The following IFT140 variants were observed in gnomAD, a reference collection of about 807,000 sequenced individuals.
IFT140 encodes intraflagellar transport 140.
IFT140 carries 133 observed loss-of-function variants against 164.6 expected under a neutral mutation model. The ratio of observed to expected loss-of-function variants is 0.81; its 90% confidence interval spans 0.70 to 0.93. The LOEUF (loss-of-function observed/expected upper bound fraction) is 0.93. Ranked by LOEUF, IFT140 falls within the 40% of genes least tolerant of loss-of-function variation. The pLI is 0.00. For missense variants in IFT140, 2,045 were observed against 1,972.3 expected, an observed-to-expected ratio of 1.04 and a Z score of -0.70; for synonymous variants, 860 against 817.3, an observed-to-expected ratio of 1.05 and a Z score of -0.89.
At chr16:1,602,881 A>G (rs1052717635) in intron 3 of IFT140, among the ~76,000 whole-genome samples, 13 of 152,180 alleles carry the variant, frequency 8.5e-5, no homozygotes, top group Admixed American at 8.5e-4. Context: ...CAGAGGTTGC[A>G]GCGAGCCCAG....
At position 1,562,096 on chromosome 16, in the gene IFT140, G is replaced by C. The variant is rs765241195; in HGVS notation, c.2088C>G (p.Ser696=). ...AGPAADVLIL[S]FFISEEHGFL... is the part of the protein sequence containing the mutation. The stretch of plus-strand genomic sequence containing the variant: ...AGCCGTGCTCTTCGGAAATGAAGAA[G>C]GACAGGATCAAAACATCTGCCTGGG... Residue 696 remains serine (S), a synonymous_variant, in exon 18 of 31, where the codon TCC becomes TCG. Transcript: ENST00000426508. 5 of 1,608,556 alleles carry C rather than the reference G, an allele frequency of 3.1e-6. No homozygotes were observed. Among genetic ancestry groups the C allele is most frequent in the African/African-American group, 1.3e-5 (1 of 74,646 alleles).
intron 3 of IFT140, among the ~76,000 whole-genome samples, chr16:1,603,206 G>A (rs977791948): frequency 2.0e-5 from 3 of 152,104 alleles, no homozygotes; most frequent in Non-Finnish European, 2.9e-5. Flanking sequence ...TGGCTGGCAC[G>A]CATTTTAGTG....
chr16:1,524,436 C>CA (rs2141169636), intron 24 of IFT140, 116 bp downstream of exon 24: 1 of 1,375,110 alleles, frequency 7.3e-7, no homozygotes, highest in Admixed American at 2.1e-5. Context: ...CAGTGAGTGG[C>CA]AGACACTGGC....
chr16:1,548,508 T>C (rs1452595817), intron 19 of IFT140, among the ~76,000 whole-genome samples: 1 of 152,270 alleles, frequency 6.6e-6, no homozygotes, highest in Non-Finnish European at 1.5e-5. Flanking sequence ...ATTGATTCCA[T>C]GGGCAGAATT....
At position 1,610,767 on chromosome 16, in the gene IFT140, G is replaced by GC. The variant is rs1442673993; in HGVS notation, c.-136dup. 6.5e-6 allele frequency: 1 copy of GC among 153,536 alleles called. No homozygotes were observed. Among genetic ancestry groups the GC allele is most frequent in the Non-Finnish European group, 1.5e-5 (1 of 68,220 alleles). The allele number at this position is 153,536 out of a possible 1,614,324, so 9.5% of individuals were successfully genotyped here. A position where few individuals can be genotyped will look rare whatever the true frequency, so the allele number is the denominator to read the frequency against. Reference sequence around the variant, plus strand: ...AGGCGGCCCCGAGGACTCCCGAAGCGCCCCGAGCGGCCGGAAAGAGCCGAA... The same window carrying GC: ...AGGCGGCCCCGAGGACTCCCGAAGCGCCCCCGAGCGGCCGGAAAGAGCCGAA... On this transcript the variant is annotated 5_prime_UTR_variant, in exon 2 of 31. Coordinates refer to ENST00000426508, the MANE Select transcript of IFT140 (RefSeq NM_014714.4).
intron 29 of IFT140, among the ~76,000 whole-genome samples, chr16:1,519,522 C>T (rs981512305): frequency 3.3e-5 from 5 of 152,098 alleles, no homozygotes; most frequent in African/African-American, 1.2e-4. Context: ...CATGGTCCCC[C>T]AACCCCAGGT....
intron 15 of IFT140, among the ~76,000 whole-genome samples, chr16:1,567,214 T>C (rs955417340): frequency 1.3e-5 from 2 of 152,176 alleles, no homozygotes; most frequent in African/African-American, 2.4e-5. Context: ...GGGGACCAAG[T>C]AGGCATCTGC....
intron 6 of IFT140, 33 bp downstream of exon 6, chr16:1,592,141 TAG>T: frequency 6.2e-7 from 1 of 1,612,782 alleles, no homozygotes; most frequent in Admixed American, 1.7e-5. Context: ...CCTAAAATGC[TAG>T]GACCCCTGAG....
At position 1,542,019 on chromosome 16, in the gene IFT140, C is replaced by G. The variant is rs377659497; in HGVS notation, c.2400-15223G>C. The G allele has an allele frequency of 6.8e-5, 110 of 1,611,400 alleles. No homozygotes were observed. The African/African-American group carries it at 1.2e-3, about 18-fold the overall frequency. ...CCTGGGGCTGGTGGGCCTGCCCCTGCTGTCACCCGACGCCCCGTGCTGGGA... is the reference window on the plus strand; with the variant it reads ...CCTGGGGCTGGTGGGCCTGCCCCTGGTGTCACCCGACGCCCCGTGCTGGGA... On this transcript the variant is annotated intron_variant, in intron 19 of 30. Transcript: ENST00000426508.
At chr16:1,584,534 T>G in intron 10 of IFT140, 114 bp from the exon 11 acceptor site, 1 of 796,090 alleles carries the variant, frequency 1.3e-6, no homozygotes, top group Admixed American at 2.4e-5. Context: ...CCAAGTACCA[T>G]TGTTCCGGAC....
Position 1,511,060 on chromosome 16 carries a change from G to A in IFT140, c.4273C>T (p.Arg1425Trp), listed in dbSNP as rs138697817. Reference sequence around the variant, plus strand: ...CGTGGCAGTGGGAGACCCAGCCCCCGGTGCACGGCGTCCACGGCCTGCGGG... The same window carrying A: ...CGTGGCAGTGGGAGACCCAGCCCCCAGTGCACGGCGTCCACGGCCTGCGGG... The part of the protein sequence containing the change: ...VSPQAVDAVH[R>W]GLGLPLPRTV... Residue 1425 changes from arginine (R) to tryptophan (W), a missense_variant, in exon 31 of 31, where the codon CGG becomes TGG. Physicochemically the swap from Arg to Trp is moderately radical, Grantham distance 101. Transcript: ENST00000426508. 57 of 1,607,486 alleles carry A rather than the reference G, an allele frequency of 3.5e-5. No individual in the cohort carries two copies. Among genetic ancestry groups the A allele is most frequent in the Non-Finnish European group, 4.3e-5 (51 of 1,177,062 alleles).
chr16:1,558,159 TTG>T, intron 18 of IFT140, 25 bp from the exon 19 acceptor site: 3 of 1,612,816 alleles, frequency 1.9e-6, no homozygotes, highest in Non-Finnish European at 2.5e-6. Context: ...ACCCATGTGT[TTG>T]TTAATTCATA....
rs753439024 is a variant in IFT140 at position 1,592,144 on chromosome 16, G to T, written c.634+32C>A. 4.3e-6 allele frequency: 7 copies of T among 1,612,960 alleles called. No homozygotes were observed. The South Asian group carries it at 7.7e-5, about 18-fold the overall frequency. On this transcript the variant is annotated intron_variant, in intron 6 of 30. Transcript: ENST00000426508. ...CTACCAGACACCCCTAAAATGCTAG[G>T]ACCCCTGAGAATCACAACCAAAGTT... is the stretch of plus-strand genomic sequence containing the variant.
At chr16:1,547,813 G>A (rs2235644) in intron 19 of IFT140, among the ~76,000 whole-genome samples, 20,815 of 152,244 alleles carry the variant, frequency 0.14, 1,627 homozygotes, top group Admixed American at 0.22. Context: ...TGGGATTACA[G>A]GCGTGAGTCA....
chr16:1,555,020 A>C, intron 19 of IFT140: 1 of 1,608,814 alleles, frequency 6.2e-7, no homozygotes, highest in Non-Finnish European at 8.5e-7. Context: ...TGGAGTCACC[A>C]TGCTGAGTCG....
At chr16:1,602,245 T>C in intron 4 of IFT140, 125 bp downstream of exon 4, 1 of 855,170 alleles carries the variant, frequency 1.2e-6, no homozygotes, top group Non-Finnish European at 1.9e-6. Context: ...AAATCTACAA[T>C]TGCATCTGAC....
chr16:1,525,704 G>A (rs1208509355), intron 21 of IFT140, among the ~76,000 whole-genome samples, 183 bp downstream of exon 21: 1 of 152,194 alleles, frequency 6.6e-6, no homozygotes, highest in African/African-American at 2.4e-5. Flanking sequence ...GGCCCAGGAT[G>A]GAAGGGGCAA....
intron 30 of IFT140, among the ~76,000 whole-genome samples, chr16:1,511,559 G>A (rs1251107095): frequency 1.3e-5 from 2 of 152,098 alleles, no homozygotes; most frequent in African/African-American, 4.8e-5. Context: ...GGCAGGCAGC[G>A]ATATCTACTG....
At chr16:1,540,672 C>T (rs546480907) in intron 19 of IFT140, 64 of 230,086 alleles carry the variant, frequency 2.8e-4, no homozygotes, top group Middle Eastern at 2.1e-3. Context: ...GATGCGGGCG[C>T]GGGGACCCGC....
Sources: allele counts gnomAD v4.1 joint callset (sites outside exome capture counted in the v4.1 genomes callset), GRCh38; gene constraint gnomAD v4.1.1; transcripts MANE v1.5; gene names NCBI Gene and HGNC (gene_info 2026-07-23, HGNC 2026-07-21).